XPOT: variants seen among roughly 807,000 people sequenced by gnomAD.
XPOT encodes exportin for tRNA.
XPOT carries 34 observed loss-of-function variants against 128.2 expected under a neutral mutation model. The observed-to-expected ratio is 0.27, with a 90% confidence interval of 0.20 to 0.35. The LOEUF is 0.35. XPOT is among the 10% of genes least tolerant of loss of function. XPOT has a pLI of 1.00. For missense variants in XPOT, 838 were observed against 1,125.3 expected (o/e 0.74, Z 3.65); for synonymous variants, 348 against 394.3 (o/e 0.88, Z 1.39).
At chr12:64,411,738 A>G (rs529335537) in intron 2 of XPOT, among the ~76,000 whole-genome samples, 2 of 152,246 alleles carry the variant, frequency 1.3e-5, no homozygotes, top group Admixed American at 6.5e-5. Flanking sequence ...GGTGAGAAGA[A>G]TGACTGTCTG....
intron 23 of XPOT, 62 bp from the exon 24 acceptor site, chr12:64,445,013 A>G: frequency 7.1e-7 from 1 of 1,409,918 alleles, no homozygotes; most frequent in Non-Finnish European, 9.7e-7. Context: ...CTGGATACGA[A>G]TTACAATGGA....
At chr12:64,416,838 C>T in intron 4 of XPOT, 84 bp downstream of exon 4, 1 of 1,188,250 alleles carries the variant, frequency 8.4e-7, no homozygotes, top group Non-Finnish European at 1.2e-6. Flanking sequence ...ATAAGGAAAC[C>T]ATAATACAGG....
chr12:64,409,296 A>G (rs1263753214), intron 1 of XPOT, among the ~76,000 whole-genome samples: 1 of 152,238 alleles, frequency 6.6e-6, no homozygotes, highest in Non-Finnish European at 1.5e-5. Flanking sequence ...GCAGTTGCAC[A>G]ATTGCATTTT....
rs1188259831 is a variant in XPOT at position 64,448,450 on chromosome 12, A to T, written c.*319A>T. The T allele has an allele frequency of 1.3e-5, 3 of 235,022 alleles. No homozygotes were observed. The highest frequency in any genetic ancestry group is 5.5e-5 in the Admixed American group (1 of 18,346). 14.6% of individuals were successfully genotyped at this position (235,022 alleles called of 1,614,324 possible). A position where few individuals can be genotyped will look rare whatever the true frequency, so the allele number is the denominator to read the frequency against. ...TTTATAAAGACCATAGCAGTGGAAA[A>T]CAGTGTACTTTTTAAAAAATTGCTG... On this transcript the variant is annotated 3_prime_UTR_variant, in exon 25 of 25. Coordinates refer to ENST00000332707, the MANE Select transcript of XPOT (RefSeq NM_007235.6).
intron 9 of XPOT, among the ~76,000 whole-genome samples, chr12:64,422,102 G>T (rs1025309171): frequency 6.6e-6 from 1 of 152,134 alleles, no homozygotes; most frequent in Non-Finnish European, 1.5e-5. Flanking sequence ...GAGCCACCAC[G>T]CCCGGCAACA....
intron 9 of XPOT, among the ~76,000 whole-genome samples, chr12:64,422,437 T>TCA (rs1157120149): frequency 2.0e-5 from 3 of 152,372 alleles, no homozygotes; most frequent in East Asian, 3.9e-4. Context: ...AGGCTTGTTT[T>TCA]GCTTTGTTTA....
At chr12:64,427,496 TTTG>T (rs147489872) in intron 15 of XPOT, among the ~76,000 whole-genome samples, 3,426 of 152,136 alleles carry the variant, frequency 0.023, 135 homozygotes, top group African/African-American at 0.079. Context: ...TTCATTGTTT[TTTG>T]TTGTTATTTT....
intron 5 of XPOT, among the ~76,000 whole-genome samples, 170 bp downstream of exon 5, chr12:64,418,285 T>A (rs1203455033): frequency 6.6e-6 from 1 of 152,238 alleles, no homozygotes; most frequent in Non-Finnish European, 1.5e-5. Context: ...AGTTTAGCAA[T>A]AATTTAATAT....
chr12:64,420,418 T>C lies in XPOT; in HGVS notation c.740T>C (p.Leu247Ser). 1 of 1,613,856 alleles carries C rather than the reference T, an allele frequency of 6.2e-7. No homozygotes were observed. Among genetic ancestry groups the C allele is most frequent in the Non-Finnish European group, 8.5e-7 (1 of 1,179,844 alleles). Reference protein sequence around the residue: ...EVLREEACDCLFEVVNKGMDP... With the variant: ...EVLREEACDCSFEVVNKGMDP... ...CTACGGGAAGAAGCATGTGACTGTT[T>C]ATTTGAAGTTGTAAATAAAGGAATG... The change falls in exon 8 of 25, where the codon TTA (leucine) becomes TCA (serine). Residue 247 changes from leucine (L) to serine (S), a missense_variant. Leu to Ser is a moderately radical substitution (Grantham distance 145). Transcript: ENST00000332707.
chr12:64,412,260 T>C (rs1286479778), intron 2 of XPOT, among the ~76,000 whole-genome samples: 1 of 151,984 alleles, frequency 6.6e-6, no homozygotes, highest in East Asian at 1.9e-4. Flanking sequence ...CTCTTGACCT[T>C]GTGATCTCCC....
intron 15 of XPOT, among the ~76,000 whole-genome samples, 179 bp downstream of exon 15, chr12:64,426,088 A>G (rs1243231613): frequency 6.6e-6 from 1 of 152,080 alleles, no homozygotes; most frequent in African/African-American, 2.4e-5. Context: ...GAGGCCGATC[A>G]CAAGGTCAGG....
chr12:64,406,291 G>T (rs1195212062), intron 1 of XPOT, among the ~76,000 whole-genome samples: 1 of 151,820 alleles, frequency 6.6e-6, no homozygotes, highest in African/African-American at 2.4e-5. Flanking sequence ...GGTCAGGCTG[G>T]TCTCGAACTC....
At chr12:64,444,996 A>T in intron 23 of XPOT, 79 bp from the exon 24 acceptor site, 1 of 1,299,092 alleles carries the variant, frequency 7.7e-7, no homozygotes. Flanking sequence ...AAATTAAAAA[A>T]AAAAAACTGG....
At chr12:64,405,597 C>T (rs1233584590) in intron 1 of XPOT, among the ~76,000 whole-genome samples, 1 of 152,144 alleles carries the variant, frequency 6.6e-6, no homozygotes, top group Non-Finnish European at 1.5e-5. Flanking sequence ...AATTGTTTAC[C>T]GTATTGAAAC....
rs926332674 is a variant in XPOT, at chr12:64,448,635, T to G, written c.*504T>G. Reference sequence around the variant, plus strand: ...AAGAGAATGGTTTTAGGCTCCAGTGTTATACTTTTTTTTATATATATATAT... The same window carrying G: ...AAGAGAATGGTTTTAGGCTCCAGTGGTATACTTTTTTTTATATATATATAT... On this transcript the variant is annotated 3_prime_UTR_variant, in exon 25 of 25. Transcript: ENST00000332707. 1 of 152,174 alleles carries G rather than the reference T, an allele frequency of 6.6e-6. No individual in the cohort carries two copies. The highest frequency in any genetic ancestry group is 2.4e-5 in the African/African-American group (1 of 41,404). The allele number at this position is 152,174 out of a possible 1,614,324, so 9.4% of individuals were successfully genotyped here. A position where few individuals can be genotyped will look rare whatever the true frequency, so the allele number is the denominator to read the frequency against.
At chr12:64,440,361 A>G (rs2040315251) in intron 23 of XPOT, among the ~76,000 whole-genome samples, 1 of 152,214 alleles carries the variant, frequency 6.6e-6, no homozygotes, top group Non-Finnish European at 1.5e-5. Context: ...TTCTTTATGC[A>G]TTAATCCACT....
chr12:64,445,578 A>G (rs2040361205), intron 24 of XPOT, among the ~76,000 whole-genome samples: 1 of 152,168 alleles, frequency 6.6e-6, no homozygotes, highest in Non-Finnish European at 1.5e-5. Flanking sequence ...TAACTCTGTA[A>G]ATCAACAAAA....
At chr12:64,406,138 C>G (rs1348906991) in intron 1 of XPOT, among the ~76,000 whole-genome samples, 1 of 152,210 alleles carries the variant, frequency 6.6e-6, no homozygotes, top group African/African-American at 2.4e-5. Flanking sequence ...TGCAATGACA[C>G]GATCTCCGCT....
At chr12:64,435,779 T>C in intron 22 of XPOT, 105 bp downstream of exon 22, 1 of 1,153,786 alleles carries the variant, frequency 8.7e-7, no homozygotes, top group Non-Finnish European at 1.2e-6. Flanking sequence ...TGTTTTGACT[T>C]TTTGGATGTG....
Sources: allele counts gnomAD v4.1 joint callset (sites outside exome capture counted in the v4.1 genomes callset), GRCh38; gene constraint gnomAD v4.1.1; transcripts MANE v1.5; gene names NCBI Gene and HGNC (gene_info 2026-07-23, HGNC 2026-07-21).